Variants in BMPR1B observed in about 807,000 individuals in gnomAD.
BMPR1B encodes the protein bone morphogenetic protein receptor type 1B, also known as bone morphogenetic protein receptor type-1B.
BMPR1B carries 12 observed loss-of-function variants against 59.1 expected under a neutral mutation model. The ratio of observed to expected loss-of-function variants is 0.20; its 90% CI spans 0.13 to 0.33. The LOEUF (loss-of-function observed/expected upper bound fraction) is 0.33, where lower values mean the gene tolerates loss of function less well. BMPR1B is among the 10% of genes least tolerant of loss of function. BMPR1B has a pLI of 1.00. For missense variants in BMPR1B, 550 were observed against 610.9 expected, an observed-to-expected ratio of 0.90 and a Z score of 1.05; for synonymous variants, 237 against 207.3, an observed-to-expected ratio of 1.14 and a Z score of -1.23.
At chr4:95,063,110 GA>G (rs1727523787) in intron 3 of BMPR1B, among the ~76,000 whole-genome samples, 1 of 152,012 alleles carries the variant, frequency 6.6e-6, no homozygotes. Flanking sequence ...TGCTTTTAAT[GA>G]ATCACCTTAT....
intron 1 of BMPR1B, among the ~76,000 whole-genome samples, chr4:94,832,457 A>T (rs557026034): frequency 3.3e-4 from 51 of 152,272 alleles, no homozygotes; most frequent in African/African-American, 1.2e-3. Context: ...AGCTGATTTT[A>T]CATGTTTGAT....
At chr4:94,771,508 T>C (rs936434771) in intron 1 of BMPR1B, among the ~76,000 whole-genome samples, 5 of 152,098 alleles carry the variant, frequency 3.3e-5, no homozygotes, top group African/African-American at 9.7e-5. Flanking sequence ...CAGAGAAAGG[T>C]TGATAATTAA....
chr4:95,030,086 A>C (rs566753351), intron 3 of BMPR1B, among the ~76,000 whole-genome samples: 53 of 151,460 alleles, frequency 3.5e-4, no homozygotes, highest in African/African-American at 1.3e-3. Context: ...CTCTGATGGT[A>C]GTTTCTTTTG....
chr4:94,830,640 A>G (rs1019389299), intron 1 of BMPR1B, among the ~76,000 whole-genome samples: 1 of 152,228 alleles, frequency 6.6e-6, no homozygotes. Context: ...AATTCATAAA[A>G]TAATCATGTA....
At chr4:94,918,506 A>G (rs1025636758) in intron 2 of BMPR1B, among the ~76,000 whole-genome samples, 2 of 152,048 alleles carry the variant, frequency 1.3e-5, no homozygotes, top group African/African-American at 4.8e-5. Flanking sequence ...GAAAGGCCCT[A>G]TCTCTGCAAA....
chr4:95,051,748 ATTC>A (rs1726518733), intron 3 of BMPR1B: 1 of 1,535,576 alleles, frequency 6.5e-7, no homozygotes, highest in Non-Finnish European at 8.7e-7. Context: ...TTTCTTGCTC[ATTC>A]TTCTCTCTAT....
chr4:95,054,101 A>G (rs1726741464), intron 3 of BMPR1B, among the ~76,000 whole-genome samples: 1 of 152,190 alleles, frequency 6.6e-6, no homozygotes, highest in Non-Finnish European at 1.5e-5. Context: ...TTTCAAAATG[A>G]CGACTTGAGA....
intron 1 of BMPR1B, among the ~76,000 whole-genome samples, chr4:94,873,683 C>T (rs1726595421): frequency 6.6e-6 from 1 of 152,218 alleles, no homozygotes; most frequent in Non-Finnish European, 1.5e-5. Context: ...GCTGGGATTA[C>T]AGGCGTGAGC....
At chr4:95,111,713 T>C (rs1731645624) in intron 4 of BMPR1B, among the ~76,000 whole-genome samples, 1 of 152,072 alleles carries the variant, frequency 6.6e-6, no homozygotes, top group Non-Finnish European at 1.5e-5. Context: ...ACTGAAAATC[T>C]CTTGAGGTGG....
intron 1 of BMPR1B, among the ~76,000 whole-genome samples, chr4:94,768,786 T>A (rs977337088): frequency 6.6e-6 from 1 of 152,180 alleles, no homozygotes; most frequent in East Asian, 1.9e-4. Flanking sequence ...ATCATTTGAT[T>A]ATGTAGTTTC....
At chr4:94,897,326 G>A (rs541068966) in intron 2 of BMPR1B, among the ~76,000 whole-genome samples, 22 of 152,054 alleles carry the variant, frequency 1.4e-4, no homozygotes, top group East Asian at 3.9e-4. Flanking sequence ...ATCTATTCCC[G>A]CGTGACTCAT....
chr4:94,997,625 T>C (rs569204764), intron 3 of BMPR1B, among the ~76,000 whole-genome samples: 28 of 152,324 alleles, frequency 1.8e-4, no homozygotes, highest in Non-Finnish European at 3.7e-4. Context: ...TGAATCTTTG[T>C]ACTTCTTCCA....
chr4:95,049,168 C>A (rs1726250458), intron 3 of BMPR1B, among the ~76,000 whole-genome samples: 1 of 151,980 alleles, frequency 6.6e-6, no homozygotes, highest in Non-Finnish European at 1.5e-5. Context: ...GGCATGATTG[C>A]AGTGGTGTGA....
rs1328568812 is a variant in BMPR1B at position 94,997,000 on chromosome 4, TC to T, written c.-18+867del. ...AGAAAGAATTGTTTTCTATGTATTT[TC>T]TGGTTCTAGCTCATGAAATATATAT... On this transcript the variant is annotated intron_variant, in intron 3 of 12. Transcript: ENST00000515059. 5.3e-5 allele frequency among the ~76,000 whole-genome samples: 8 copies of T among 152,332 alleles called. No homozygotes were observed. In the East Asian group the frequency reaches 1.5e-3, roughly 29 times the overall value.
At chr4:94,897,803 A>G (rs1283973355) in intron 2 of BMPR1B, among the ~76,000 whole-genome samples, 1 of 151,928 alleles carries the variant, frequency 6.6e-6, no homozygotes, top group African/African-American at 2.4e-5. Context: ...GGTGTGTGTT[A>G]TGAGAGGAAC....
chr4:95,077,526 A>G (rs567852527), intron 3 of BMPR1B, among the ~76,000 whole-genome samples: 2 of 152,310 alleles, frequency 1.3e-5, no homozygotes, highest in East Asian at 3.9e-4. Flanking sequence ...CACAAAGCGC[A>G]CAAGCACTTT....
At chr4:95,036,053 G>C (rs922902084) in intron 3 of BMPR1B, among the ~76,000 whole-genome samples, 2 of 151,976 alleles carry the variant, frequency 1.3e-5, no homozygotes, top group Admixed American at 6.6e-5. Context: ...TATCATAAAA[G>C]GAGTTGAGTT....
intron 2 of BMPR1B, among the ~76,000 whole-genome samples, chr4:94,899,369 A>G (rs977743995): frequency 3.8e-4 from 57 of 151,098 alleles, no homozygotes; most frequent in African/African-American, 1.3e-3. Flanking sequence ...AGGCCACTAC[A>G]AAGATGAGTA....
At chr4:94,883,403 G>A (rs944545843) in intron 2 of BMPR1B, among the ~76,000 whole-genome samples, 1 of 151,962 alleles carries the variant, frequency 6.6e-6, no homozygotes, top group African/African-American at 2.4e-5. Flanking sequence ...TTCTCTCTCT[G>A]CTACTAATCA....
Sources: allele counts gnomAD v4.1 joint callset (sites outside exome capture counted in the v4.1 genomes callset), GRCh38; gene constraint gnomAD v4.1.1; transcripts MANE v1.5; gene names NCBI Gene and HGNC (gene_info 2026-07-23, HGNC 2026-07-21).